Variants in CTNND2 observed in about 807,000 individuals in gnomAD.
CTNND2 encodes the protein catenin delta 2, also known as catenin delta-2.
In CTNND2, 22 loss-of-function variants were observed where a neutral mutation model predicts 144.4. The ratio of observed to expected loss-of-function variants is 0.15; its 90% CI spans 0.11 to 0.22. The LOEUF is 0.22. Ranked by LOEUF, CTNND2 falls within the 10% of genes least tolerant of loss-of-function variation. The probability of loss-of-function intolerance (pLI) is 1.00; values close to 1 mark genes in which losing one functional copy is unlikely to be tolerated. For synonymous variants in CTNND2, 751 were observed against 695.6 expected (o/e 1.08, Z -1.25); for missense variants, 1,353 against 1,618.8 (o/e 0.84, Z 2.82).
At chr5:11,468,862 T>C (rs1766906706) in intron 3 of CTNND2, among the ~76,000 whole-genome samples, 1 of 152,166 alleles carries the variant, frequency 6.6e-6, no homozygotes, top group Non-Finnish European at 1.5e-5. Context: ...TCTTGTGGGA[T>C]TCTTGCACGA....
At chr5:11,139,679 G>C (rs772488130) in intron 12 of CTNND2, among the ~76,000 whole-genome samples, 8 of 152,230 alleles carry the variant, frequency 5.3e-5, no homozygotes, top group Non-Finnish European at 1.2e-4. Context: ...GCTTCCTGGT[G>C]CTCCACAGGA....
At chr5:11,495,348 G>A (rs1769830810) in intron 3 of CTNND2, among the ~76,000 whole-genome samples, 1 of 152,082 alleles carries the variant, frequency 6.6e-6, no homozygotes, top group Non-Finnish European at 1.5e-5. Context: ...TAGCATTGCT[G>A]ATATTTACAG....
At chr5:11,230,200 C>T (rs1320137627) in intron 10 of CTNND2, among the ~76,000 whole-genome samples, 5 of 114,640 alleles carry the variant, frequency 4.4e-5, no homozygotes, top group African/African-American at 7.2e-5. Context: ...GGGAATATCA[C>T]ACTCTGGGGA....
At chr5:11,548,203 G>C (rs557622687) in intron 3 of CTNND2, among the ~76,000 whole-genome samples, 1 of 152,248 alleles carries the variant, frequency 6.6e-6, no homozygotes, top group African/African-American at 2.4e-5. Flanking sequence ...TACTTATTAG[G>C]ATGCATATGT....
rs1581791268 is a variant in CTNND2 at position 11,732,029 on chromosome 5, C to T, written c.174+107G>A. Reference sequence around the variant, plus strand: ...TATAATAAATACCAACACTCTGCTACATGAGTATGAGTTTCTTTTAACATA... The same window carrying T: ...TATAATAAATACCAACACTCTGCTATATGAGTATGAGTTTCTTTTAACATA... On this transcript the variant is annotated intron_variant, in intron 2 of 21. Coordinates refer to ENST00000304623, the MANE Select transcript of CTNND2 (RefSeq NM_001332.4). 3 of 1,011,516 alleles carry T rather than the reference C, an allele frequency of 3.0e-6. 1 individual carries two copies. Among genetic ancestry groups the T allele is most frequent in the South Asian group, 3.6e-5 (2 of 56,006 alleles). 62.7% of individuals were successfully genotyped at this position (1,011,516 alleles called of 1,614,324 possible).
intron 2 of CTNND2, among the ~76,000 whole-genome samples, chr5:11,615,652 G>A (rs1780544534): frequency 6.6e-6 from 1 of 152,164 alleles, no homozygotes; most frequent in African/African-American, 2.4e-5. Context: ...ATGAGTTGGA[G>A]GACAGGACAA....
intron 2 of CTNND2, among the ~76,000 whole-genome samples, chr5:11,590,415 G>C (rs941658250): frequency 5.9e-5 from 9 of 151,964 alleles, no homozygotes; most frequent in Non-Finnish European, 1.2e-4. Flanking sequence ...TAAAGTACAG[G>C]GTAGTCCTTA....
At chr5:11,344,744 A>G (rs1228241532) in intron 9 of CTNND2, among the ~76,000 whole-genome samples, 2 of 152,194 alleles carry the variant, frequency 1.3e-5, no homozygotes, top group Non-Finnish European at 2.9e-5. Flanking sequence ...CTCAATAAAT[A>G]TAAGTGACAT....
At chr5:11,081,580 G>A (rs969258616) in intron 16 of CTNND2, among the ~76,000 whole-genome samples, 2 of 152,150 alleles carry the variant, frequency 1.3e-5, no homozygotes, top group African/African-American at 2.4e-5. Flanking sequence ...TTACGGATTC[G>A]GCAGCATTTC....
At chr5:11,834,913 G>C (rs865843534) in intron 1 of CTNND2, among the ~76,000 whole-genome samples, 2 of 152,176 alleles carry the variant, frequency 1.3e-5, no homozygotes, top group African/African-American at 4.8e-5. Context: ...GTCCAGAGCA[G>C]GAAGATCATT....
At chr5:11,825,772 A>C (rs1045381317) in intron 1 of CTNND2, among the ~76,000 whole-genome samples, 4 of 152,138 alleles carry the variant, frequency 2.6e-5, no homozygotes, top group African/African-American at 9.6e-5. Flanking sequence ...AGAGGATGAA[A>C]GCCAAGGATT....
At chr5:11,145,575 G>A (rs1757162327) in intron 12 of CTNND2, among the ~76,000 whole-genome samples, 1 of 152,136 alleles carries the variant, frequency 6.6e-6, no homozygotes, top group Non-Finnish European at 1.5e-5. Context: ...ACAGAGTCTA[G>A]GATCTGCAAA....
rs1202774095 is a variant in CTNND2 at position 11,100,441 on chromosome 5, A to T, written c.2464-1693T>A. 2.6e-5 allele frequency among the ~76,000 whole-genome samples: 4 copies of T among 152,328 alleles called. No individual in the cohort carries two copies. The East Asian group carries it at 7.7e-4, about 29-fold the overall frequency. ...AATACATCTCCTTTAAATTAAAAAA[A>T]GAAGGAAGTGAACTAGCCCCGTCAC... On this transcript the variant is annotated intron_variant, in intron 14 of 21. Coordinates refer to ENST00000304623, the MANE Select transcript of CTNND2 (RefSeq NM_001332.4).
intron 3 of CTNND2, among the ~76,000 whole-genome samples, chr5:11,487,435 T>C (rs1329740626): frequency 6.6e-6 from 1 of 152,150 alleles, no homozygotes; most frequent in Non-Finnish European, 1.5e-5. Flanking sequence ...ACTACCCTAG[T>C]AGAGTTTACG....
chr5:11,293,403 C>A lies in CTNND2; in HGVS notation c.1628+52969G>T, dbSNP rs1023091423. Among the ~76,000 whole-genome samples the A allele has an allele frequency of 2.6e-5, 4 of 152,046 alleles. 1 individual carries two copies. Among genetic ancestry groups the A allele is most frequent in the Admixed American group, 2.6e-4 (4 of 15,262 alleles). ...TTCATTTTAGGTGAGATTGTGTTCA[C>A]AAAAAGATATCCAAGGGGAACTTAT... On this transcript the variant is annotated intron_variant, in intron 9 of 21. Coordinates refer to ENST00000304623, the MANE Select transcript of CTNND2 (RefSeq NM_001332.4).
intron 2 of CTNND2, among the ~76,000 whole-genome samples, chr5:11,608,153 C>T (rs1418268272): frequency 6.6e-6 from 1 of 152,122 alleles, no homozygotes; most frequent in Non-Finnish European, 1.5e-5. Context: ...ATGAAGAGTC[C>T]TGTTAGATTC....
At chr5:11,372,459 G>A (rs1757548294) in intron 7 of CTNND2, among the ~76,000 whole-genome samples, 1 of 152,148 alleles carries the variant, frequency 6.6e-6, no homozygotes, top group African/African-American at 2.4e-5. Flanking sequence ...TACTTGCAGT[G>A]GAAGGTTGTT....
chr5:11,683,710 T>C (rs1784521393), intron 2 of CTNND2, among the ~76,000 whole-genome samples: 1 of 152,238 alleles, frequency 6.6e-6, no homozygotes, highest in Admixed American at 6.5e-5. Context: ...AAAGTGAGTT[T>C]CTCATCTCTC....
chr5:11,230,809 T>C (rs1740918390), intron 10 of CTNND2, among the ~76,000 whole-genome samples: 1 of 152,218 alleles, frequency 6.6e-6, no homozygotes, highest in Non-Finnish European at 1.5e-5. Context: ...AACTTGCTGA[T>C]CTACAAAGTA....
Sources: gnomAD v4.1 joint callset for allele counts (sites outside exome capture counted in the v4.1 genomes callset) on GRCh38, gnomAD v4.1.1 for gene constraint, MANE v1.5 for transcripts, NCBI Gene and HGNC (gene_info 2026-07-23, HGNC 2026-07-21) for gene names.